PSEN1: variants seen among roughly 807,000 people sequenced by gnomAD.
PSEN1 encodes the protein presenilin 1.
Under a neutral mutation model 53.5 loss-of-function variants are expected in PSEN1, and 15 were observed. That is an observed-to-expected ratio of 0.28 (90% CI 0.19 to 0.43). The LOEUF is 0.43. Among genes scored for constraint, PSEN1 ranks in the 20% least tolerant of loss-of-function variants. The pLI, the probability that PSEN1 is intolerant of heterozygous loss-of-function variation, is 1.00. For synonymous variants in PSEN1, 208 were observed against 209.8 expected (o/e 0.99, Z 0.08); for missense variants, 387 against 571.2 (o/e 0.68, Z 3.29).
intron 4 of PSEN1, 80 bp from the exon 5 acceptor site, chr14:73,173,486 A>C (rs1039827548): frequency 2.1e-6 from 3 of 1,419,914 alleles, no homozygotes; most frequent in African/African-American, 1.4e-5. Flanking sequence ...AGAAAAAGAA[A>C]ATTCTGTGTT....
intron 3 of PSEN1, among the ~76,000 whole-genome samples, chr14:73,161,992 TAAAA>T (rs1179787685): frequency 4.6e-5 from 3 of 65,372 alleles, no homozygotes; most frequent in African/African-American, 1.2e-4. Flanking sequence ...CCGTTTCCAC[TAAAA>T]AAAAAAAAAA....
intron 8 of PSEN1, 170 bp from the exon 9 acceptor site, chr14:73,206,216 A>T: frequency 1.5e-6 from 1 of 645,994 alleles, no homozygotes; most frequent in Admixed American, 2.4e-5. Context: ...TTCTTCTCTT[A>T]CCTGCTAAAA....
intron 3 of PSEN1, among the ~76,000 whole-genome samples, chr14:73,149,041 T>C (rs1457863792): frequency 6.6e-6 from 1 of 152,070 alleles, no homozygotes; most frequent in Non-Finnish European, 1.5e-5. Context: ...TTTTTAGAGG[T>C]GGACCCAGAA....
Position 73,186,931 on chromosome 14 carries a change from A to C in PSEN1, c.548+11A>C, listed in dbSNP as rs770079295. 1 of 1,606,574 alleles carries C rather than the reference A, an allele frequency of 6.2e-7. No individual in the cohort carries two copies. Among genetic ancestry groups the C allele is most frequent in the Non-Finnish European group, 8.5e-7 (1 of 1,173,384 alleles). On this transcript the variant is annotated intron_variant, in intron 6 of 11. Transcript: ENST00000324501. The stretch of plus-strand genomic sequence containing the variant: ...ATTCATTTACTTGGGGTAAGTTGTG[A>C]AATTTTTGGTCTGTCTTTCAGAATT...
At position 73,148,890 on chromosome 14, in the gene PSEN1, G is replaced by A. The variant is rs555292516; in HGVS notation, c.87+784G>A. Among the ~76,000 whole-genome samples, 265 of 152,096 alleles carry A rather than the reference G, an allele frequency of 1.7e-3. 2 individuals are homozygous for A. Among genetic ancestry groups the A allele is most frequent in the African/African-American group, 5.8e-3 (240 of 41,490 alleles). ...GGAGGTTACAGTGAGCTGACGTCGC[G>A]CCATTGCACTCCAGCCTGGGCGACG... On this transcript the variant is annotated intron_variant, in intron 3 of 11. Coordinates refer to ENST00000324501, the MANE Select transcript of PSEN1 (RefSeq NM_000021.4).
chr14:73,139,449 C>G (rs568194142), intron 1 of PSEN1: 1 of 150,980 alleles, frequency 6.6e-6, no homozygotes, highest in South Asian at 2.1e-4. Flanking sequence ...GGTGTGTTGG[C>G]GTGTACCTGT....
chr14:73,219,041 A>ACTC lies in PSEN1; in HGVS notation c.1249-91_1249-90insCCT, dbSNP rs1359728345. On this transcript the variant is annotated intron_variant, in intron 11 of 11. Transcript: ENST00000324501. ...ACCCCAAAAGGAAAATATTCAGTTAACTATGTTAAAAACCAAGACTTGTGA... is the reference window on the plus strand; with the variant it reads ...ACCCCAAAAGGAAAATATTCAGTTAACTCCTATGTTAAAAACCAAGACTTGTGA... 4.5e-6 allele frequency: 6 copies of ACTC among 1,320,982 alleles called. No homozygotes were observed. The East Asian group carries it at 1.1e-4, about 25-fold the overall frequency. 81.8% of individuals were successfully genotyped at this position (1,320,982 alleles called of 1,614,324 possible).
chr14:73,219,200 A>G lies in PSEN1; in HGVS notation c.1315A>G (p.Ile439Val), dbSNP rs63750249. The change falls in exon 12 of 12, where the codon ATC (isoleucine) becomes GTC (valine). Residue 439 changes from isoleucine to valine, a missense_variant. Ile to Val is a conservative substitution (Grantham distance 29). Coordinates refer to ENST00000324501, the MANE Select transcript of PSEN1 (RefSeq NM_000021.4). ...KKALPALPIS[I>V]TFGLVFYFAT... is the part of the protein sequence containing the mutation. ...AGCATTGCCAGCTCTTCCAATCTCCATCACCTTTGGGCTTGTTTTCTACTT... is the reference window on the plus strand; with the variant it reads ...AGCATTGCCAGCTCTTCCAATCTCCGTCACCTTTGGGCTTGTTTTCTACTT... 5 of 1,613,676 alleles carry G rather than the reference A, an allele frequency of 3.1e-6. No homozygotes were observed. Among genetic ancestry groups the G allele is most frequent in the African/African-American group, 1.3e-5 (1 of 74,926 alleles).
At chr14:73,138,384 A>G (rs1387059079) in intron 1 of PSEN1, among the ~76,000 whole-genome samples, 2 of 150,172 alleles carry the variant, frequency 1.3e-5, no homozygotes, top group Admixed American at 6.6e-5. Flanking sequence ...ACGCCCGGCT[A>G]ATTTTTTTGT....
chr14:73,170,687 C>T, intron 3 of PSEN1, 110 bp from the exon 4 acceptor site: 2 of 1,172,438 alleles, frequency 1.7e-6, no homozygotes, highest in African/African-American at 1.5e-5. Context: ...TTTCTTGCTT[C>T]AGGTTTTTAG....
intron 5 of PSEN1, among the ~76,000 whole-genome samples, chr14:73,174,846 C>T (rs1897999451): frequency 1.3e-5 from 2 of 152,044 alleles, no homozygotes; most frequent in African/African-American, 4.8e-5. Flanking sequence ...AGATACAGAC[C>T]CACCCTTCTC....
intron 7 of PSEN1, among the ~76,000 whole-genome samples, chr14:73,197,373 C>T (rs1367597916): frequency 5.3e-5 from 8 of 152,204 alleles, no homozygotes; most frequent in East Asian, 1.9e-4. Context: ...TTCAGCACCA[C>T]ATACATATGT....
At chr14:73,182,137 A>C (rs865984733) in intron 5 of PSEN1, among the ~76,000 whole-genome samples, 1 of 152,104 alleles carries the variant, frequency 6.6e-6, no homozygotes, top group Non-Finnish European at 1.5e-5. Context: ...TTCTTCTTTT[A>C]GTGTTTCTGT....
At chr14:73,170,159 G>T (rs1897843676) in intron 3 of PSEN1, among the ~76,000 whole-genome samples, 1 of 152,130 alleles carries the variant, frequency 6.6e-6, no homozygotes, top group Non-Finnish European at 1.5e-5. Context: ...ATAACCAGAG[G>T]TCACTCTCCT....
At chr14:73,158,486 C>T (rs1205836960) in intron 3 of PSEN1, among the ~76,000 whole-genome samples, 1 of 152,062 alleles carries the variant, frequency 6.6e-6, no homozygotes, top group African/African-American at 2.4e-5. Context: ...CCACCACACC[C>T]AGCTAATTTT....
chr14:73,159,418 T>G (rs899757145), intron 3 of PSEN1, among the ~76,000 whole-genome samples: 3 of 152,208 alleles, frequency 2.0e-5, no homozygotes, highest in African/African-American at 7.2e-5. Context: ...CTTCAAGTTC[T>G]CAGGAGTTTT....
chr14:73,207,715 C>T (rs1361038291), intron 9 of PSEN1, among the ~76,000 whole-genome samples: 2 of 152,234 alleles, frequency 1.3e-5, no homozygotes, highest in African/African-American at 4.8e-5. Flanking sequence ...CTCAGGCCCA[C>T]TGGGCTCATT....
At chr14:73,150,932 G>T (rs1203675703) in intron 3 of PSEN1, among the ~76,000 whole-genome samples, 1 of 152,026 alleles carries the variant, frequency 6.6e-6, no homozygotes, top group South Asian at 2.1e-4. Context: ...GCTGGGCGTG[G>T]TGACACGCGC....
chr14:73,152,250 G>A (rs1897252549), intron 3 of PSEN1, among the ~76,000 whole-genome samples: 1 of 151,818 alleles, frequency 6.6e-6, no homozygotes, highest in Non-Finnish European at 1.5e-5. Flanking sequence ...TCTGGAAAGG[G>A]ATCAAGCATT....
Sources: gnomAD v4.1 joint callset for allele counts (sites outside exome capture counted in the v4.1 genomes callset) on GRCh38, gnomAD v4.1.1 for gene constraint, MANE v1.5 for transcripts, NCBI Gene and HGNC (gene_info 2026-07-23, HGNC 2026-07-21) for gene names.